The following EFCAB14 variants were observed in gnomAD, a reference collection of about 807,000 sequenced individuals.
The protein encoded by EFCAB14 is EF-hand calcium-binding domain-containing protein 14.
EFCAB14 carries 43 observed loss-of-function variants against 56.5 expected under a neutral mutation model. The ratio of observed to expected loss-of-function variants is 0.76; its 90% CI spans 0.60 to 0.98. The LOEUF (loss-of-function observed/expected upper bound fraction) is 0.98. Among genes scored for constraint, EFCAB14 ranks in the 50% least tolerant of loss-of-function variants. The pLI is 0.00. For missense variants in EFCAB14, 538 were observed against 580.3 expected, an observed-to-expected ratio of 0.93 and a Z score of 0.75; for synonymous variants, 235 against 212.9, an observed-to-expected ratio of 1.10 and a Z score of -0.90.
chr1:46,689,537 C>T (rs1161001566), intron 6 of EFCAB14, 50 bp downstream of exon 6: 3 of 1,577,504 alleles, frequency 1.9e-6, no homozygotes, highest in African/African-American at 1.3e-5. Context: ...ATTTGGCTGC[C>T]TCTGCAGTGC....
chr1:46,678,615 T>A lies in EFCAB14; in HGVS notation c.1334A>T (p.Lys445Met). Residue 445 changes from lysine to methionine, a missense_variant, in exon 11 of 11, where the codon AAG becomes ATG. Transcript: ENST00000371933. ...STEDLQDLFR[K>M]TGQDVDGKLT... Reference sequence around the variant, plus strand: ...CTTCCCATCCACGTCCTGGCCAGTCTTGCGGAATAAATCCTGAAGATCTGT... The same window carrying A: ...CTTCCCATCCACGTCCTGGCCAGTCATGCGGAATAAATCCTGAAGATCTGT... 1 of 1,613,190 alleles carries A rather than the reference T, an allele frequency of 6.2e-7. No homozygotes were observed. Among genetic ancestry groups the A allele is most frequent in the Non-Finnish European group, 8.5e-7 (1 of 1,179,516 alleles).
intron 4 of EFCAB14, among the ~76,000 whole-genome samples, chr1:46,693,904 G>A (rs558154076): frequency 2.0e-5 from 3 of 152,268 alleles, no homozygotes; most frequent in Admixed American, 6.5e-5. Context: ...GAACAGAACA[G>A]AGCCCTCAGA....
intron 9 of EFCAB14, among the ~76,000 whole-genome samples, chr1:46,683,752 A>T (rs1676834582): frequency 6.6e-6 from 1 of 152,184 alleles, no homozygotes; most frequent in South Asian, 2.1e-4. Context: ...GATATCAAAG[A>T]TCTTGACATC....
Position 46,696,661 on chromosome 1 carries a change from A to C in EFCAB14, c.481-12T>G, listed in dbSNP as rs372805939. ...GTCAACAGAGAAATCTGAACAAAAAAGAGTAACAAACAATGAAAACAAATG... is the reference window on the plus strand; with the variant it reads ...GTCAACAGAGAAATCTGAACAAAAACGAGTAACAAACAATGAAAACAAATG... On this transcript the variant is annotated splice_polypyrimidine_tract_variant and intron_variant, in intron 3 of 10. Coordinates refer to ENST00000371933, the MANE Select transcript of EFCAB14 (RefSeq NM_014774.3). 140 of 1,611,172 alleles carry C rather than the reference A, an allele frequency of 8.7e-5. No individual in the cohort carries two copies. Among genetic ancestry groups the C allele is most frequent in the South Asian group, 7.7e-5 (7 of 91,006 alleles).
In EFCAB14 at chr1:46,718,329, G is replaced by A. The variant is rs554644881; in HGVS notation, c.-242C>T. On this transcript the variant is annotated 5_prime_UTR_variant, in exon 1 of 11. Transcript: ENST00000371933. ...ACATAGAAATGGCCAAGGAGCTGGT[G>A]ACCCCAAAGGATAAGGCCTTGGGTG... 6.4e-6 allele frequency: 3 copies of A among 470,762 alleles called. No individual in the cohort carries two copies. The highest frequency in any genetic ancestry group is 5.8e-5 in the African/African-American group (3 of 51,898). 29.2% of individuals were successfully genotyped at this position (470,762 alleles called of 1,614,324 possible).
At position 46,691,890 on chromosome 1, in the gene EFCAB14, C is replaced by A. The variant is rs774338554; in HGVS notation, c.627G>T (p.Val209=). The A allele has an allele frequency of 7.4e-6, 12 of 1,613,322 alleles. No homozygotes were observed. Among genetic ancestry groups the A allele is most frequent in the Non-Finnish European group, 1.0e-5 (12 of 1,179,698 alleles). Residue 209 remains valine, a synonymous_variant, in exon 5 of 11, where the codon GTG becomes GTT. Coordinates refer to ENST00000371933, the MANE Select transcript of EFCAB14 (RefSeq NM_014774.3). ...CATCCACAGTTTTCTGTAGTGCTTC[C>A]ACAGCAAGATGGACGCTGTTTAAAG... ...GNTLNSVHLA[V]EALQKTVDEH...
intron 10 of EFCAB14, 44 bp downstream of exon 10, chr1:46,683,256 T>C (rs780367541): frequency 1.2e-5 from 19 of 1,578,634 alleles, no homozygotes; most frequent in Non-Finnish European, 1.5e-5. Context: ...AAAAAGTTAT[T>C]ACTTTGAACA....
Position 46,716,453 on chromosome 1 carries a change from A to G in EFCAB14, c.186-10T>C, listed in dbSNP as rs748588697. On this transcript the variant is annotated splice_polypyrimidine_tract_variant and intron_variant, in intron 1 of 10. Coordinates refer to ENST00000371933, the MANE Select transcript of EFCAB14 (RefSeq NM_014774.3). ...TCGTAAATAGTCTCCCCTGCTCAAGAGGACAAATTCAACCATGAGTACAAA... is the reference window on the plus strand; with the variant it reads ...TCGTAAATAGTCTCCCCTGCTCAAGGGGACAAATTCAACCATGAGTACAAA... 2 of 1,613,588 alleles carry G rather than the reference A, an allele frequency of 1.2e-6. No homozygotes were observed. The highest frequency in any genetic ancestry group is 1.3e-5 in the African/African-American group (1 of 74,886).
Position 46,678,219 on chromosome 1 carries a change from CA to C in EFCAB14, c.*241del, listed in dbSNP as rs1451041103. On this transcript the variant is annotated 3_prime_UTR_variant, in exon 11 of 11. Coordinates refer to ENST00000371933, the MANE Select transcript of EFCAB14 (RefSeq NM_014774.3). ...AAGAGGGCTTTAATTTTTTTTCTGG[CA>C]ATTTTAAAATGTAAGATCTTACTGG... is the stretch of plus-strand genomic sequence containing the variant. The C allele has an allele frequency of 5.6e-5, 19 of 339,190 alleles. No homozygotes were observed. The Admixed American group carries it at 9.2e-4, about 16-fold the overall frequency. The allele number at this position is 339,190 out of a possible 1,614,324, so 21.0% of individuals were successfully genotyped here. A position where few individuals can be genotyped will look rare whatever the true frequency, so the allele number is the denominator to read the frequency against.
Position 46,691,915 on chromosome 1 carries a change from G to C in EFCAB14, c.602C>G (p.Thr201Ser). 6.2e-7 allele frequency: 1 copy of C among 1,613,296 alleles called. No homozygotes were observed. The highest frequency in any genetic ancestry group is 8.5e-7 in the Non-Finnish European group (1 of 1,179,604). The change falls in exon 5 of 11, where the codon ACT (threonine) becomes AGT (serine). Residue 201 changes from threonine to serine, a missense_variant. By Grantham distance (58) the Thr-to-Ser change is moderately conservative. Coordinates refer to ENST00000371933, the MANE Select transcript of EFCAB14 (RefSeq NM_014774.3). Reference sequence around the variant, plus strand: ...CACAGCAAGATGGACGCTGTTTAAAGTATTGCCAATGGAAGCTACACTCTG... The same window carrying C: ...CACAGCAAGATGGACGCTGTTTAAACTATTGCCAATGGAAGCTACACTCTG... The part of the protein sequence containing the change: ...LQKSVASIGN[T>S]LNSVHLAVEA...
intron 7 of EFCAB14, 131 bp from the exon 8 acceptor site, chr1:46,687,001 T>C (rs940467285): frequency 2.4e-6 from 2 of 817,186 alleles, no homozygotes; most frequent in Non-Finnish European, 1.9e-6. Flanking sequence ...TCAACAGAAA[T>C]TGCAGAGGAG....
intron 8 of EFCAB14, among the ~76,000 whole-genome samples, chr1:46,685,866 TCAA>T (rs1381529506): frequency 1.3e-5 from 2 of 152,156 alleles, no homozygotes; most frequent in Non-Finnish European, 2.9e-5. Flanking sequence ...GTTAGAAAAC[TCAA>T]CAAAAGCTTA....
At chr1:46,709,446 T>C (rs1017241531) in intron 2 of EFCAB14, among the ~76,000 whole-genome samples, 4 of 152,168 alleles carry the variant, frequency 2.6e-5, no homozygotes, top group East Asian at 1.9e-4. Flanking sequence ...CTCGGACCAC[T>C]GCACCTCTTT....
In EFCAB14 at chr1:46,689,576, A is replaced by AT. The variant is rs1404270768; in HGVS notation, c.795+10dup. The AT allele has an allele frequency of 6.2e-7, 1 of 1,613,374 alleles. No individual in the cohort carries two copies. Among genetic ancestry groups the AT allele is most frequent in the African/African-American group, 1.3e-5 (1 of 74,898 alleles). On this transcript the variant is annotated intron_variant, in intron 6 of 10. Transcript: ENST00000371933. ...GTGGTCACAGGGAGTTAAGCCAGAG[A>AT]TAAAAAGCACCTGTTTCAAATTCTC... is the stretch of plus-strand genomic sequence containing the variant.
intron 3 of EFCAB14, among the ~76,000 whole-genome samples, chr1:46,705,558 A>C (rs1398282843): frequency 6.6e-6 from 1 of 152,084 alleles, no homozygotes; most frequent in Non-Finnish European, 1.5e-5. Flanking sequence ...ATGTTAGGTT[A>C]GCTGGCATGT....
In EFCAB14 at chr1:46,718,524, A is replaced by G. The variant is rs3766211; in HGVS notation, c.-437T>C. On this transcript the variant is annotated 5_prime_UTR_variant, in exon 1 of 11. Transcript: ENST00000371933. ...ATACGTGTTTCGGACCTCCGGAGCA[A>G]GATTTCCAATGGAGAGGGAAGAGAA... 0.37 allele frequency: 57,593 copies of G among 153,742 alleles called. 12,089 individuals carry two copies. The highest frequency in any genetic ancestry group is 0.78 in the East Asian group (4,033 of 5,182). 9.5% of individuals were successfully genotyped at this position (153,742 alleles called of 1,614,324 possible). A position where few individuals can be genotyped will look rare whatever the true frequency, so the allele number is the denominator to read the frequency against.
chr1:46,692,676 G>T (rs1677011175), intron 4 of EFCAB14, among the ~76,000 whole-genome samples: 1 of 152,092 alleles, frequency 6.6e-6, no homozygotes, highest in South Asian at 2.1e-4. Context: ...CATTCTAATG[G>T]AAGTGTATAT....
chr1:46,696,483 T>A (rs1405732115), intron 4 of EFCAB14, 68 bp downstream of exon 4: 9 of 1,446,276 alleles, frequency 6.2e-6, no homozygotes, highest in Non-Finnish European at 8.6e-6. Flanking sequence ...GAAGCTAGAA[T>A]TATGGCAAAT....
Position 46,714,228 on chromosome 1 carries a change from G to A in EFCAB14, c.334+2067C>T, listed in dbSNP as rs74938842. Reference sequence around the variant, plus strand: ...CTTCAGATGGGAAAGTGAGGATACTGTAATCTAGGCTTAAGATCGAAAGTA... The same window carrying A: ...CTTCAGATGGGAAAGTGAGGATACTATAATCTAGGCTTAAGATCGAAAGTA... On this transcript the variant is annotated intron_variant, in intron 2 of 10. Transcript: ENST00000371933. Among the ~76,000 whole-genome samples, 919 of 152,306 alleles carry A rather than the reference G, an allele frequency of 6.0e-3. 10 individuals carry two copies. Among genetic ancestry groups the A allele is most frequent in the East Asian group, 0.034 (174 of 5,194 alleles).
Sources: allele counts gnomAD v4.1 joint callset (sites outside exome capture counted in the v4.1 genomes callset), GRCh38; gene constraint gnomAD v4.1.1; transcripts MANE v1.5; gene names NCBI Gene and HGNC (gene_info 2026-07-23, HGNC 2026-07-21).